Variants in NRSN2 observed in about 807,000 individuals in gnomAD.
NRSN2 encodes the protein neurensin-2.
In NRSN2, 10 loss-of-function variants were observed where a neutral mutation model predicts 11.1. That is an observed-to-expected ratio of 0.90 (90% CI 0.56 to 1.53). The LOEUF is 1.53. NRSN2 is among the 40% of genes most tolerant of loss of function. NRSN2 has a pLI of 0.00. For missense variants in NRSN2, 260 were observed against 273.7 expected (o/e 0.95, Z 0.35); for synonymous variants, 100 against 117.0 (o/e 0.86, Z 0.94).
In NRSN2 at chr20:349,697, G is replaced by A. The variant is rs986485692; in HGVS notation, c.54G>A (p.Glu18=). Residue 18 remains glutamate, a synonymous_variant, in exon 4 of 5, where the codon GAG becomes GAA. Coordinates refer to ENST00000382285, the MANE Select transcript of NRSN2 (RefSeq NM_001323682.2). ...SCSCSRGPSV[E]DGKWYGVRSY... is the part of the protein sequence containing the mutation. ...GCTGCAGCCGCGGCCCCAGCGTGGA[G>A]GATGGCAAGTGGTATGGGGTCCGCT... 1.9e-6 allele frequency: 3 copies of A among 1,613,326 alleles called. No individual in the cohort carries two copies. The highest frequency in any genetic ancestry group is 2.2e-5 in the East Asian group (1 of 44,896).
Position 353,669 on chromosome 20 carries a change from TC to T in NRSN2, c.*36del, listed in dbSNP as rs2014178634. ...CATGGCCTAAGATGTGGGTCCTGGATCCTTCCCCCCTTCTCACCATAACCCC... is the reference window on the plus strand; with the variant it reads ...CATGGCCTAAGATGTGGGTCCTGGATCTTCCCCCCTTCTCACCATAACCCC... On this transcript the variant is annotated 3_prime_UTR_variant, in exon 5 of 5. Transcript: ENST00000382285. The T allele has an allele frequency of 1.3e-6, 2 of 1,482,282 alleles. No individual in the cohort carries two copies. Among genetic ancestry groups the T allele is most frequent in the Non-Finnish European group, 1.8e-6 (2 of 1,124,750 alleles). 91.8% of individuals were successfully genotyped at this position (1,482,282 alleles called of 1,614,324 possible).
At position 353,307 on chromosome 20, in the gene NRSN2, G is replaced by A. The variant is rs773809574; in HGVS notation, c.287G>A (p.Gly96Asp). The change falls in exon 5 of 5, where the codon GGT becomes GAT. Residue 96 changes from glycine to aspartate, a missense_variant. Transcript: ENST00000382285. ...VPPKLEGIGE[G>D]EFLVLDQRAA... ...CCCAAGCTGGAGGGCATCGGTGAGG[G>A]TGAGTTCCTGGTGTTGGATCAGCGG... 2 of 1,614,082 alleles carry A rather than the reference G, an allele frequency of 1.2e-6. No homozygotes were observed. The highest frequency in any genetic ancestry group is 1.7e-6 in the Non-Finnish European group (2 of 1,180,034).
chr20:347,892 C>T lies in NRSN2; in HGVS notation c.-122+380C>T, dbSNP rs1465199477. ...CCTCGTCCCGGGTGCCTGCGCCCCG[C>T]CCCCCGCCCGCCAGACCTACTCCGT... On this transcript the variant is annotated intron_variant, in intron 2 of 4. Transcript: ENST00000382285. The surrounding 1 kb of genome is among the most constrained non-coding windows in gnomAD (Gnocchi z 7.0). Among the ~76,000 whole-genome samples, 5 of 152,000 alleles carry T rather than the reference C, an allele frequency of 3.3e-5. No homozygotes were observed. The highest frequency in any genetic ancestry group is 5.9e-5 in the Non-Finnish European group (4 of 67,950).
At chr20:351,203 T>C (rs2013942094) in intron 4 of NRSN2, among the ~76,000 whole-genome samples, 1 of 152,144 alleles carries the variant, frequency 6.6e-6, no homozygotes, top group Non-Finnish European at 1.5e-5. Flanking sequence ...CACTCCAGCC[T>C]GCACAACAAG....
At chr20:348,610 G>A (rs1279223597) in intron 2 of NRSN2, among the ~76,000 whole-genome samples, 2 of 151,268 alleles carry the variant, frequency 1.3e-5, no homozygotes, top group African/African-American at 4.9e-5. Context: ...GTTTCTCTAT[G>A]CAGGGATTTG....
chr20:349,576 G>A (rs146394571), intron 3 of NRSN2, 62 bp from the exon 4 acceptor site: 1 of 1,391,886 alleles, frequency 7.2e-7, no homozygotes, highest in East Asian at 2.3e-5. Context: ...GCTTATGAAG[G>A]TCACCATGAG....
intron 4 of NRSN2, among the ~76,000 whole-genome samples, chr20:352,644 C>T (rs1437208076): frequency 6.6e-6 from 1 of 152,244 alleles, no homozygotes; most frequent in Non-Finnish European, 1.5e-5. Context: ...TGTGCCGGCA[C>T]GTGCTAGGCA....
rs370901532 is a variant in NRSN2, at chr20:353,299, C to T, written c.279C>T (p.Ile93=). ...GYAVPPKLEG[I]GEGEFLVLDQ... is the part of the protein sequence containing the mutation. ...CAGTGCCCCCCAAGCTGGAGGGCAT[C>T]GGTGAGGGTGAGTTCCTGGTGTTGG... Residue 93 remains isoleucine (I), a synonymous_variant, in exon 5 of 5, where the codon ATC becomes ATT. Coordinates refer to ENST00000382285, the MANE Select transcript of NRSN2 (RefSeq NM_001323682.2). 1.4e-5 allele frequency: 23 copies of T among 1,613,930 alleles called. No homozygotes were observed. The highest frequency in any genetic ancestry group is 9.3e-5 in the African/African-American group (7 of 74,900).
intron 4 of NRSN2, among the ~76,000 whole-genome samples, chr20:352,572 G>A (rs565747335): frequency 2.6e-5 from 4 of 152,170 alleles, no homozygotes; most frequent in Admixed American, 6.5e-5. Context: ...CCCTGTCTTC[G>A]AGGAACTCTT....
intron 4 of NRSN2, among the ~76,000 whole-genome samples, chr20:350,855 C>CT (rs2013911858): frequency 6.6e-6 from 1 of 152,086 alleles, no homozygotes; most frequent in African/African-American, 2.4e-5. Flanking sequence ...GCTTCAGACT[C>CT]TCCCCACATG....
At position 353,463 on chromosome 20, in the gene NRSN2, C is replaced by T. The variant is rs777053728; in HGVS notation, c.443C>T (p.Ala148Val). 5 of 1,614,182 alleles carry T rather than the reference C, an allele frequency of 3.1e-6. No individual in the cohort carries two copies. ...GGCTGGCTGAGCCAGGACACCAAGG[C>T]AGAGCCCTTGGACCCCGAAGCCGAC... ...MIGWLSQDTK[A>V]EPLDPEADSH... The change falls in exon 5 of 5, where the codon GCA becomes GTA. Residue 148 changes from alanine to valine, a missense_variant. By Grantham distance (64) the Ala-to-Val change is moderately conservative (BLOSUM62 0). Transcript: ENST00000382285.
At position 353,859 on chromosome 20, in the gene NRSN2, A is replaced by G. The variant is rs1452332532; in HGVS notation, c.*224A>G. 1 of 545,276 alleles carries G rather than the reference A, an allele frequency of 1.8e-6. No homozygotes were observed. The highest frequency in any genetic ancestry group is 3.2e-6 in the Non-Finnish European group (1 of 311,942). The allele number at this position is 545,276 out of a possible 1,614,324, so 33.8% of individuals were successfully genotyped here. A position where few individuals can be genotyped will look rare whatever the true frequency, so the allele number is the denominator to read the frequency against. ...AGTCCTCCCAAAACTTCCTACCCAC[A>G]CCCTCTTCCCAAGGCCCTCAGGGGC... On this transcript the variant is annotated 3_prime_UTR_variant, in exon 5 of 5. Transcript: ENST00000382285.
rs569395946 is a variant in NRSN2, at chr20:351,521, G to A, written c.189+1689G>A. The stretch of plus-strand genomic sequence containing the variant: ...TGCACTCCAGCCTGGGCAACAGAGT[G>A]AGACTCTGTCAAGAAAAGAAAAGAG... On this transcript the variant is annotated intron_variant, in intron 4 of 4. Coordinates refer to ENST00000382285, the MANE Select transcript of NRSN2 (RefSeq NM_001323682.2). Among the ~76,000 whole-genome samples, 130 of 152,298 alleles carry A rather than the reference G, an allele frequency of 8.5e-4. 1 individual carries two copies. The highest frequency in any genetic ancestry group is 3.1e-3 in the African/African-American group (127 of 41,560).
rs2014259788 is a variant in NRSN2 at position 354,750 on chromosome 20, A to G, written c.*1115A>G. 6.6e-6 allele frequency: 1 copy of G among 151,976 alleles called. No individual in the cohort carries two copies. Among genetic ancestry groups the G allele is most frequent in the South Asian group, 2.1e-4 (1 of 4,800 alleles). 9.4% of individuals were successfully genotyped at this position (151,976 alleles called of 1,614,324 possible). ...ACCAGCCTGAAGGGCCTCCTAGGGG[A>G]TCCTCAGGCGGCCCCCACCAGGGCA... is the stretch of plus-strand genomic sequence containing the variant. On this transcript the variant is annotated 3_prime_UTR_variant, in exon 5 of 5. Coordinates refer to ENST00000382285, the MANE Select transcript of NRSN2 (RefSeq NM_001323682.2).
At position 353,725 on chromosome 20, in the gene NRSN2, T is replaced by A; in HGVS notation, c.*90T>A. 2 of 1,366,314 alleles carry A rather than the reference T, an allele frequency of 1.5e-6. No homozygotes were observed. Among genetic ancestry groups the A allele is most frequent in the Admixed American group, 2.4e-5 (1 of 42,336 alleles). The allele number at this position is 1,366,314 out of a possible 1,614,324, so 84.6% of individuals were successfully genotyped here. A position where few individuals can be genotyped will look rare whatever the true frequency, so the allele number is the denominator to read the frequency against. ...CAGTGTTTCCCCAACTTCTCCCTTTTAGCAGGGTCCCTTTAGAGCCCAACT... is the reference window on the plus strand; with the variant it reads ...CAGTGTTTCCCCAACTTCTCCCTTTAAGCAGGGTCCCTTTAGAGCCCAACT... On this transcript the variant is annotated 3_prime_UTR_variant, in exon 5 of 5. Transcript: ENST00000382285.
rs1437962041 is a variant in NRSN2, at chr20:347,845, C to A, written c.-122+333C>A. The stretch of plus-strand genomic sequence containing the variant: ...CCCGGCTCCCGGGCTGGGGACGCCT[C>A]CCTAGCGGTTCCCATGGCAACCCTC... On this transcript the variant is annotated intron_variant, in intron 2 of 4. Coordinates refer to ENST00000382285, the MANE Select transcript of NRSN2 (RefSeq NM_001323682.2). The surrounding 1 kb of genome is among the most constrained non-coding windows in gnomAD (Gnocchi z 7.0). 6.6e-6 allele frequency among the ~76,000 whole-genome samples: 1 copy of A among 152,124 alleles called. No homozygotes were observed. The highest frequency in any genetic ancestry group is 1.5e-5 in the Non-Finnish European group (1 of 67,992).
At position 347,439 on chromosome 20, in the gene NRSN2, C is replaced by G. The variant is rs779333612; in HGVS notation, c.-195C>G. On this transcript the variant is annotated 5_prime_UTR_variant, in exon 2 of 5. Transcript: ENST00000382285. The surrounding 1 kb of genome is among the most constrained non-coding windows in gnomAD (Gnocchi z 7.0). ...CCTACCCCTCTCTGCCTCAGTTTCT[C>G]TCTAGGGAAAAGGACGCAGTTGGTG... 9 of 152,378 alleles carry G rather than the reference C, an allele frequency of 5.9e-5. No individual in the cohort carries two copies. The highest frequency in any genetic ancestry group is 4.6e-4 in the Admixed American group (7 of 15,284). The allele number at this position is 152,378 out of a possible 1,614,324, so 9.4% of individuals were successfully genotyped here. A position where few individuals can be genotyped will look rare whatever the true frequency, so the allele number is the denominator to read the frequency against.
chr20:349,719 C>T lies in NRSN2; in HGVS notation c.76C>T (p.Arg26Cys), dbSNP rs532459398. ...SVEDGKWYGV[R>C]SYLHLFYEDC... ...GGAGGATGGCAAGTGGTATGGGGTCCGCTCCTACCTGCACCTCTTCTATGA... is the reference window on the plus strand; with the variant it reads ...GGAGGATGGCAAGTGGTATGGGGTCTGCTCCTACCTGCACCTCTTCTATGA... Residue 26 changes from arginine (R) to cysteine (C), a missense_variant, in exon 4 of 5, where the codon CGC becomes TGC. Transcript: ENST00000382285. 10 of 1,613,408 alleles carry T rather than the reference C, an allele frequency of 6.2e-6. No homozygotes were observed. The highest frequency in any genetic ancestry group is 4.4e-5 in the South Asian group (4 of 91,060).
rs758119451 is a variant in NRSN2 at position 353,595 on chromosome 20, A to C, written c.575A>C (p.Gln192Pro). Residue 192 changes from glutamine to proline, a missense_variant, in exon 5 of 5, where the codon CAA becomes CCA. Physicochemically the swap from Gln to Pro is moderately conservative, Grantham distance 76. Coordinates refer to ENST00000382285, the MANE Select transcript of NRSN2 (RefSeq NM_001323682.2). ...TCGCCACCCGCCAGCCCCTTTGGGC[A>C]ATCTTCTGTGCAGACTATCCAGCCC... ...WFSPPASPFGQSSVQTIQPKR... is the reference protein window; with the variant it reads ...WFSPPASPFGPSSVQTIQPKR... 1.2e-6 allele frequency: 2 copies of C among 1,614,172 alleles called. No homozygotes were observed. Among genetic ancestry groups the C allele is most frequent in the Non-Finnish European group, 1.7e-6 (2 of 1,180,024 alleles).
Sources: allele counts gnomAD v4.1 joint callset (sites outside exome capture counted in the v4.1 genomes callset), GRCh38; gene constraint gnomAD v4.1.1; non-coding constraint Gnocchi (gnomAD v3.1); transcripts MANE v1.5; gene names NCBI Gene and HGNC (gene_info 2026-07-23, HGNC 2026-07-21).